TBC1D32: variants seen among roughly 807,000 people sequenced by gnomAD.
TBC1D32 encodes TBC1 domain family member 32.
Under a neutral mutation model 170.3 loss-of-function variants are expected in TBC1D32, and 151 were observed. The observed-to-expected ratio is 0.89, with a 90% CI of 0.78 to 1.01. The LOEUF is 1.01. Among genes scored for constraint, TBC1D32 ranks in the 50% least tolerant of loss-of-function variants. TBC1D32 has a pLI of 0.00. For synonymous variants in TBC1D32, 498 were observed against 488.0 expected (o/e 1.02, Z -0.27); for missense variants, 1,464 against 1,457.1 (o/e 1.00, Z -0.08).
intron 27 of TBC1D32, among the ~76,000 whole-genome samples, chr6:121,113,417 GTATAA>G (rs929375512): frequency 1.3e-5 from 2 of 152,106 alleles, no homozygotes; most frequent in Admixed American, 1.3e-4. Flanking sequence ...TAGATGAAAC[GTATAA>G]TATAAGCATT....
chr6:121,278,575 A>T (rs1397585989), intron 15 of TBC1D32, among the ~76,000 whole-genome samples: 2 of 152,166 alleles, frequency 1.3e-5, no homozygotes, highest in Non-Finnish European at 2.9e-5. Flanking sequence ...AAATTGTGGT[A>T]CAGCTATACA....
chr6:121,287,474 C>A (rs1804058905), intron 12 of TBC1D32, among the ~76,000 whole-genome samples: 1 of 152,024 alleles, frequency 6.6e-6, no homozygotes, highest in Non-Finnish European at 1.5e-5. Flanking sequence ...ATATATGCAC[C>A]CAATACAGGA....
At chr6:121,281,448 A>C (rs920541334) in intron 14 of TBC1D32, 96 bp downstream of exon 14, 1 of 925,538 alleles carries the variant, frequency 1.1e-6, no homozygotes, top group Non-Finnish European at 1.6e-6. Context: ...GAAGGACAGC[A>C]TAATAAAATA....
intron 12 of TBC1D32, 83 bp downstream of exon 12, chr6:121,291,970 T>A: frequency 1.5e-6 from 2 of 1,367,350 alleles, no homozygotes; most frequent in Non-Finnish European, 1.9e-6. Flanking sequence ...GAAAGGAACA[T>A]GCCAAATTTC....
intron 17 of TBC1D32, among the ~76,000 whole-genome samples, chr6:121,251,214 T>TA (rs979387464): frequency 1.5e-4 from 23 of 151,020 alleles, no homozygotes; most frequent in Admixed American, 3.3e-4. Flanking sequence ...CTCATAGAAT[T>TA]AAAAAAAAAC....
intron 22 of TBC1D32, among the ~76,000 whole-genome samples, chr6:121,185,044 TGTAA>T (rs908342749): frequency 4.1e-5 from 6 of 147,812 alleles, no homozygotes; most frequent in African/African-American, 1.5e-4. Flanking sequence ...CATACTATTC[TGTAA>T]GTTTTTTTTT....
intron 18 of TBC1D32, 49 bp from the exon 19 acceptor site, chr6:121,241,601 T>C (rs1284948765): frequency 1.4e-6 from 2 of 1,428,326 alleles, no homozygotes; most frequent in African/African-American, 1.4e-5. Context: ...AAACATGGCA[T>C]GCTAACTAGA....
rs551949473 is a variant in TBC1D32 at position 121,217,417 on chromosome 6, T to C, written c.2481+5819A>G. ...GACATGGAATCAACCTAAATGCCCA[T>C]CAATGACAAATTGAATAAAGAAAAT... is the stretch of plus-strand genomic sequence containing the variant. On this transcript the variant is annotated intron_variant, in intron 21 of 31. Transcript: ENST00000398212. 5.9e-5 allele frequency among the ~76,000 whole-genome samples: 9 copies of C among 152,342 alleles called. No individual in the cohort carries two copies. In the South Asian group the frequency reaches 1.9e-3, roughly 32 times the overall value.
intron 3 of TBC1D32, among the ~76,000 whole-genome samples, chr6:121,314,115 G>A (rs1808608473): frequency 6.6e-6 from 1 of 152,196 alleles, no homozygotes; most frequent in Non-Finnish European, 1.5e-5. Context: ...AGGAAAGACA[G>A]AATCTGTTTC....
rs1181305410 is a variant in TBC1D32 at position 121,131,664 on chromosome 6, T to C, written c.2862A>G (p.Lys954=). 5 of 1,611,824 alleles carry C rather than the reference T, an allele frequency of 3.1e-6. No homozygotes were observed. The highest frequency in any genetic ancestry group is 4.2e-6 in the Non-Finnish European group (5 of 1,178,902). Residue 954 remains lysine (K), a synonymous_variant, in exon 25 of 32, where the codon AAA becomes AAG. Transcript: ENST00000398212. ...TTATATCAGGTTTGGCTTTCATCATTTTGCAAAATTGTCTTTGGCAGTTTT... is the reference window on the plus strand; with the variant it reads ...TTATATCAGGTTTGGCTTTCATCATCTTGCAAAATTGTCTTTGGCAGTTTT... The part of the protein sequence containing the change: ...WIENCQRQFC[K]MMKAKPDIIS...
chr6:121,184,724 C>G (rs1583120368), intron 22 of TBC1D32, among the ~76,000 whole-genome samples: 1 of 151,598 alleles, frequency 6.6e-6, no homozygotes, highest in East Asian at 1.9e-4. Flanking sequence ...AATACGAGAT[C>G]ACACACAGAT....
At chr6:121,090,573 G>C (rs1776702753) in intron 31 of TBC1D32, among the ~76,000 whole-genome samples, 1 of 152,008 alleles carries the variant, frequency 6.6e-6, no homozygotes, top group Non-Finnish European at 1.5e-5. Flanking sequence ...TAGCCCATAG[G>C]AATATTTTTA....
intron 27 of TBC1D32, 46 bp downstream of exon 27, chr6:121,115,126 A>G: frequency 6.7e-7 from 1 of 1,494,430 alleles, no homozygotes; most frequent in Non-Finnish European, 9.1e-7. Flanking sequence ...AGGCAGATAA[A>G]ACAAATTCTA....
At chr6:121,296,563 C>T (rs924719678) in intron 10 of TBC1D32, among the ~76,000 whole-genome samples, 12 of 152,096 alleles carry the variant, frequency 7.9e-5, no homozygotes, top group African/African-American at 2.9e-4. Context: ...AATCACAACC[C>T]CCTCATTCAA....
At chr6:121,094,348 G>A (rs898207139) in intron 30 of TBC1D32, among the ~76,000 whole-genome samples, 1 of 151,876 alleles carries the variant, frequency 6.6e-6, no homozygotes, top group Non-Finnish European at 1.5e-5. Context: ...TGTACTTTTA[G>A]TAGAGACAGG....
intron 22 of TBC1D32, among the ~76,000 whole-genome samples, chr6:121,190,461 A>G (rs1273771): frequency 1.4e-5 from 2 of 139,438 alleles, no homozygotes; most frequent in African/African-American, 5.4e-5. Flanking sequence ...TCCACCCCAC[A>G]TCTACCTACT....
chr6:121,154,186 G>A (rs73540503), intron 24 of TBC1D32, among the ~76,000 whole-genome samples: 5,920 of 152,216 alleles, frequency 0.039, 339 homozygotes, highest in African/African-American at 0.12. Context: ...GTAGTACCTG[G>A]ACTGGATAGC....
intron 25 of TBC1D32, among the ~76,000 whole-genome samples, chr6:121,128,100 T>C (rs1781043223): frequency 6.6e-6 from 1 of 152,186 alleles, no homozygotes; most frequent in Non-Finnish European, 1.5e-5. Flanking sequence ...TATAATGTTA[T>C]TGGATCAGTA....
At chr6:121,228,973 A>G (rs72961372) in intron 20 of TBC1D32, among the ~76,000 whole-genome samples, 2,425 of 152,270 alleles carry the variant, frequency 0.016, 36 homozygotes, top group Middle Eastern at 0.037. Flanking sequence ...TATTCATATT[A>G]TCATTATAAA....
Sources: allele counts gnomAD v4.1 joint callset (sites outside exome capture counted in the v4.1 genomes callset), GRCh38; gene constraint gnomAD v4.1.1; transcripts MANE v1.5; gene names NCBI Gene and HGNC (gene_info 2026-07-23, HGNC 2026-07-21).